The following L3MBTL3 variants were observed in gnomAD, a reference collection of about 807,000 sequenced individuals.
L3MBTL3 encodes the protein lethal(3)malignant brain tumor-like protein 3.
A neutral mutation model predicts 102.3 loss-of-function variants in L3MBTL3; 27 were observed. The ratio of observed to expected loss-of-function variants is 0.26; its 90% CI spans 0.19 to 0.36. L3MBTL3 has a LOEUF of 0.36. L3MBTL3 is among the 10% of genes least tolerant of loss of function. L3MBTL3 has a pLI of 1.00. For synonymous variants in L3MBTL3, 340 were observed against 320.9 expected (o/e 1.06, Z -0.64); for missense variants, 798 against 955.3 (o/e 0.84, Z 2.17).
chr6:130,139,114 A>G (rs1369207461), intron 22 of L3MBTL3, among the ~76,000 whole-genome samples: 2 of 152,002 alleles, frequency 1.3e-5, no homozygotes, highest in Non-Finnish European at 2.9e-5. Flanking sequence ...CTGTGGCCAC[A>G]CTAGAGATAA....
intron 20 of L3MBTL3, among the ~76,000 whole-genome samples, chr6:130,125,368 T>A (rs73602346): frequency 0.016 from 2,410 of 152,302 alleles, 62 homozygotes; most frequent in African/African-American, 0.055. Flanking sequence ...AGCCTATTTT[T>A]TGTTTTATAG....
intron 2 of L3MBTL3, among the ~76,000 whole-genome samples, chr6:130,026,681 C>T (rs528803244): frequency 6.6e-6 from 1 of 151,980 alleles, no homozygotes; most frequent in African/African-American, 2.4e-5. Context: ...GAAATGATCA[C>T]AAACTGTTGA....
intron 14 of L3MBTL3, among the ~76,000 whole-genome samples, chr6:130,081,584 AT>A (rs11409755): frequency 3.5e-4 from 51 of 145,142 alleles, no homozygotes; most frequent in East Asian, 8.3e-4. Context: ...ACACCTGGCT[AT>A]TTTTTTTTTT....
intron 19 of L3MBTL3, among the ~76,000 whole-genome samples, chr6:130,105,357 G>C (rs1784922062): frequency 6.6e-6 from 1 of 152,094 alleles, no homozygotes; most frequent in African/African-American, 2.4e-5. Context: ...CTAAAGGATT[G>C]TTTTCTTTAT....
chr6:130,127,570 G>A (rs554574680), intron 20 of L3MBTL3, among the ~76,000 whole-genome samples: 1 of 152,248 alleles, frequency 6.6e-6, no homozygotes, highest in African/African-American at 2.4e-5. Flanking sequence ...ATAGAGGCAG[G>A]CCTTTATCAC....
chr6:130,045,580 C>A (rs1459550851), intron 3 of L3MBTL3, among the ~76,000 whole-genome samples: 1 of 152,072 alleles, frequency 6.6e-6, no homozygotes, highest in Non-Finnish European at 1.5e-5. Context: ...GTCTCAAAAC[C>A]AGGCTTTTCT....
intron 2 of L3MBTL3, among the ~76,000 whole-genome samples, chr6:130,039,778 CT>C (rs1158808664): frequency 6.6e-6 from 1 of 152,054 alleles, no homozygotes; most frequent in Non-Finnish European, 1.5e-5. Flanking sequence ...TAGAAGATAG[CT>C]GGATATCTGC....
intron 2 of L3MBTL3, among the ~76,000 whole-genome samples, chr6:130,038,589 A>G (rs773812127): frequency 6.6e-6 from 1 of 151,970 alleles, no homozygotes; most frequent in Non-Finnish European, 1.5e-5. Flanking sequence ...ATCTGTGTAG[A>G]TCATTTCCCC....
chr6:130,052,705 A>G (rs1363815968), intron 6 of L3MBTL3, among the ~76,000 whole-genome samples, 154 bp from the exon 7 acceptor site: 1 of 152,098 alleles, frequency 6.6e-6, no homozygotes, highest in African/African-American at 2.4e-5. Context: ...TTCCTGATAT[A>G]TGATATTCTC....
intron 20 of L3MBTL3, among the ~76,000 whole-genome samples, chr6:130,127,877 G>A (rs570687597): frequency 7.2e-5 from 11 of 151,960 alleles, no homozygotes; most frequent in South Asian, 4.1e-4. Context: ...CAAATAATAC[G>A]TTTATTATAG....
chr6:130,058,298 T>C (rs183947769), intron 9 of L3MBTL3, among the ~76,000 whole-genome samples: 70 of 151,918 alleles, frequency 4.6e-4, no homozygotes, highest in African/African-American at 1.6e-3. Context: ...AATATAGATA[T>C]CAGATGTAGT....
chr6:130,058,016 G>A (rs1307620137), intron 9 of L3MBTL3, among the ~76,000 whole-genome samples: 2 of 151,356 alleles, frequency 1.3e-5, no homozygotes, highest in Admixed American at 6.6e-5. Flanking sequence ...GGTGGCGGGT[G>A]CCTGTAGTCC....
At chr6:130,111,367 A>T (rs921230978) in intron 19 of L3MBTL3, among the ~76,000 whole-genome samples, 2 of 152,190 alleles carry the variant, frequency 1.3e-5, no homozygotes, top group African/African-American at 4.8e-5. Context: ...GAGGCTGTAC[A>T]TGTTAATTCC....
rs759556807 is a variant in L3MBTL3 at position 130,068,412 on chromosome 6, T to C, written c.1083T>C (p.Asn361=). 1.3e-6 allele frequency: 2 copies of C among 1,575,056 alleles called. No homozygotes were observed. Among genetic ancestry groups the C allele is most frequent in the African/African-American group, 1.3e-5 (1 of 74,094 alleles). ...AQAAPKSLFE[N]QNITVIPSGF... is the part of the protein sequence containing the mutation. ...CTGCTCCTAAGTCATTATTTGAAAA[T>C]CAGAATATAGTAAGTACATACGAAA... The change falls in exon 12 of 23, where the codon AAT becomes AAC. Residue 361 remains asparagine (N), a synonymous_variant. Transcript: ENST00000361794.
intron 2 of L3MBTL3, among the ~76,000 whole-genome samples, chr6:130,030,489 C>T (rs1453839059): frequency 5.3e-5 from 8 of 151,592 alleles, no homozygotes; most frequent in East Asian, 2.0e-4. Context: ...AGTGAAACCC[C>T]GTCTCTACTG....
In L3MBTL3 at chr6:130,074,370, G is replaced by A. The variant is rs138989663; in HGVS notation, c.1244+3243G>A. Among the ~76,000 whole-genome samples, 23 of 152,288 alleles carry A rather than the reference G, an allele frequency of 1.5e-4. No homozygotes were observed. The East Asian group carries it at 3.7e-3, about 24-fold the overall frequency. On this transcript the variant is annotated intron_variant, in intron 13 of 22. Transcript: ENST00000361794. ...TTAGAATAAAAATGGCTTCACCTCTGGGTTTCTTCTGTGCTTTTGTTACTG... is the reference window on the plus strand; with the variant it reads ...TTAGAATAAAAATGGCTTCACCTCTAGGTTTCTTCTGTGCTTTTGTTACTG...
At chr6:130,081,364 G>A (rs2115098317) in intron 14 of L3MBTL3, among the ~76,000 whole-genome samples, 1 of 151,732 alleles carries the variant, frequency 6.6e-6, no homozygotes, top group Admixed American at 6.6e-5. Flanking sequence ...TGTGCAAGAT[G>A]TGTTCCTTAA....
Position 130,104,556 on chromosome 6 carries a change from T to C in L3MBTL3, c.1867T>C (p.Ser623Pro). Residue 623 changes from serine (S) to proline (P), a missense_variant, in exon 19 of 23, where the codon TCT becomes CCT. Physicochemically the swap from Ser to Pro is moderately conservative, Grantham distance 74 (BLOSUM62 -1). Around this residue, in one of 4 missense-constraint regions of L3MBTL3, gnomAD observed 306 missense variants for 314.4 expected, o/e 0.97. Coordinates refer to ENST00000361794, the MANE Select transcript of L3MBTL3 (RefSeq NM_032438.4). ...TAAAAGGACAGATGCAAATGAAAGC[T>C]CTTCTTCCCCTGAAATCAGGTAATC... ...RNKRTDANES[S>P]SSPEIRDQHA... 5 of 1,577,430 alleles carry C rather than the reference T, an allele frequency of 3.2e-6. No homozygotes were observed. Among genetic ancestry groups the C allele is most frequent in the Non-Finnish European group, 4.3e-6 (5 of 1,165,984 alleles).
intron 19 of L3MBTL3, among the ~76,000 whole-genome samples, chr6:130,117,547 C>G (rs1011189276): frequency 6.6e-6 from 1 of 152,110 alleles, no homozygotes; most frequent in Non-Finnish European, 1.5e-5. Context: ...GCTAAAATAA[C>G]ATTTTGCTTA....
Sources: gnomAD v4.1 joint callset for allele counts (sites outside exome capture counted in the v4.1 genomes callset) on GRCh38, gnomAD v4.1.1 for gene constraint, gnomAD v4.1.1 regional missense constraint, MANE v1.5 for transcripts, NCBI Gene and HGNC (gene_info 2026-07-23, HGNC 2026-07-21) for gene names.